The following WDR27 variants were observed in gnomAD, a reference collection of about 807,000 sequenced individuals.
The protein encoded by WDR27 is WD repeat domain 27, also known as WD repeat-containing protein 27.
In WDR27, 100 loss-of-function variants were observed where a neutral mutation model predicts 114.4. The ratio of observed to expected loss-of-function variants is 0.87; its 90% confidence interval spans 0.74 to 1.03. The LOEUF (loss-of-function observed/expected upper bound fraction) is 1.03, where lower values mean the gene tolerates loss of function less well. WDR27 is among the 50% of genes least tolerant of loss of function. The pLI is 0.00. For synonymous variants in WDR27, 449 were observed against 423.1 expected (o/e 1.06, Z -0.75); for missense variants, 1,129 against 1,092.9 (o/e 1.03, Z -0.47).
rs1783769907 is a variant in WDR27 at position 169,688,967 on chromosome 6, G to A, written c.39C>T (p.Gly13=). 1.2e-6 allele frequency: 2 copies of A among 1,612,782 alleles called. No homozygotes were observed. Among genetic ancestry groups the A allele is most frequent in the South Asian group, 1.1e-5 (1 of 90,730 alleles). ...NPQDIFSSNG[G]CLSDIVIEKY... ...TTTCTATAACTATATCACTTAGACAGCCACCATTACTTGAGAAAATGTCTT... is the reference window on the plus strand; with the variant it reads ...TTTCTATAACTATATCACTTAGACAACCACCATTACTTGAGAAAATGTCTT... Residue 13 remains glycine, a synonymous_variant, in exon 2 of 26, where the codon GGC becomes GGT. Coordinates refer to ENST00000448612, the MANE Select transcript of WDR27 (RefSeq NM_182552.5).
chr6:169,450,552 C>A, the WDR27 span, among the ~76,000 whole-genome samples: 7 of 152,188 alleles, frequency 4.6e-5, no homozygotes, highest in Non-Finnish European at 8.8e-5. Flanking sequence ...ATTGAGATAT[C>A]ATTCACATAC....
intron 23 of WDR27, among the ~76,000 whole-genome samples, chr6:169,600,875 G>C (rs1807840293): frequency 6.6e-6 from 1 of 152,342 alleles, no homozygotes; most frequent in East Asian, 1.9e-4. Context: ...ATGGAACCAA[G>C]TTGGAAAATA....
In WDR27 at chr6:169,672,232, A is replaced by C. The variant is rs757797438; in HGVS notation, c.331+23T>G. 3.7e-6 allele frequency: 6 copies of C among 1,609,052 alleles called. No individual in the cohort carries two copies. In the African/African-American group the frequency reaches 6.7e-5, roughly 18 times the overall value. On this transcript the variant is annotated intron_variant, in intron 3 of 25. Transcript: ENST00000448612. ...TTATTCCTTTTGCAGGTTTTTAAAA[A>C]CATGTTTTAGATTTTCATTTACCTT... is the stretch of plus-strand genomic sequence containing the variant.
intron 25 of WDR27, among the ~76,000 whole-genome samples, chr6:169,534,175 T>C (rs562754252): frequency 2.0e-5 from 3 of 152,368 alleles, no homozygotes; most frequent in African/African-American, 4.8e-5. Context: ...GTTTTGCTGA[T>C]GTGATGCATT....
chr6:169,670,997 G>C, intron 3 of WDR27: 1 of 270,554 alleles, frequency 3.7e-6, no homozygotes, highest in Non-Finnish European at 7.0e-6. Context: ...TGCATGTTTC[G>C]ATGCTTCTCA....
chr6:169,440,242 T>C, the WDR27 span, among the ~76,000 whole-genome samples: 8 of 152,232 alleles, frequency 5.3e-5, no homozygotes, highest in African/African-American at 1.9e-4. Flanking sequence ...GCATTGTTTT[T>C]GAGTTTTTAT....
the WDR27 span, among the ~76,000 whole-genome samples, chr6:169,437,794 T>C: frequency 1.3e-5 from 2 of 152,220 alleles, no homozygotes; most frequent in African/African-American, 4.8e-5. Flanking sequence ...TGTTAGTTGT[T>C]GCAATTTTTT....
At chr6:169,634,386 C>T in intron 20 of WDR27, 42 bp downstream of exon 20, 1 of 1,468,648 alleles carries the variant, frequency 6.8e-7, no homozygotes, top group African/African-American at 1.4e-5. Context: ...AGGAACAACA[C>T]TCAGGGCGTA....
intron 22 of WDR27, among the ~76,000 whole-genome samples, chr6:169,608,712 C>T (rs1281234083): frequency 1.3e-5 from 2 of 152,160 alleles, no homozygotes; most frequent in South Asian, 2.1e-4. Context: ...TATCATTCCA[C>T]CCCGGCCTTC....
At chr6:169,668,851 A>G (rs1376690310) in intron 4 of WDR27, 3 of 152,264 alleles carry the variant, frequency 2.0e-5, no homozygotes, top group Non-Finnish European at 4.4e-5. Context: ...TTAACTTACA[A>G]ACAGACATTT....
chr6:169,635,622 A>G (rs1023203712), intron 19 of WDR27, among the ~76,000 whole-genome samples: 1 of 152,248 alleles, frequency 6.6e-6, no homozygotes, highest in Admixed American at 6.5e-5. Context: ...ATGCGATCGG[A>G]TGGAAGCCCA....
intron 6 of WDR27, chr6:169,666,904 G>A: frequency 1.0e-6 from 1 of 985,444 alleles, no homozygotes. Context: ...CTCCAAAACA[G>A]AAAGGCCCAG....
intron 16 of WDR27, among the ~76,000 whole-genome samples, chr6:169,647,429 T>C (rs1317196194): frequency 6.6e-6 from 1 of 152,198 alleles, no homozygotes; most frequent in Non-Finnish European, 1.5e-5. Flanking sequence ...TTAGCTTCTT[T>C]GCCTGCCGAA....
At position 169,554,722 on chromosome 6, in the gene WDR27, G is replaced by A. The variant is rs1562574784; in HGVS notation, c.2645+17697C>T. ...TGGTCAACCACCACCATGTGCAACC[G>A]TAAAAGGGGATTCGCTGTACTTTCC... On this transcript the variant is annotated intron_variant, in intron 25 of 25. Transcript: ENST00000448612. Among the ~76,000 whole-genome samples the A allele has an allele frequency of 4.6e-5, 7 of 152,250 alleles. No individual in the cohort carries two copies. The South Asian group carries it at 1.0e-3, about 23-fold the overall frequency.
chr6:169,627,027 A>T (rs1473077588), intron 21 of WDR27, among the ~76,000 whole-genome samples: 3 of 152,154 alleles, frequency 2.0e-5, no homozygotes, highest in Non-Finnish European at 4.4e-5. Flanking sequence ...CAGAGTTCTG[A>T]TGTGAAAGGC....
chr6:169,670,409 A>G lies in WDR27; in HGVS notation c.456+160T>C, dbSNP rs191011739. On this transcript the variant is annotated intron_variant, in intron 4 of 25. Coordinates refer to ENST00000448612, the MANE Select transcript of WDR27 (RefSeq NM_182552.5). ...TGATACCAGTGGTTTTCCAATTGCAAGATAAAGATATGATTTTATAAAAGT... is the reference window on the plus strand; with the variant it reads ...TGATACCAGTGGTTTTCCAATTGCAGGATAAAGATATGATTTTATAAAAGT... The G allele has an allele frequency of 7.2e-6, 5 of 699,006 alleles. No homozygotes were observed. In the African/African-American group the frequency reaches 8.9e-5, roughly 12 times the overall value. The allele number at this position is 699,006 out of a possible 1,614,324, so 43.3% of individuals were successfully genotyped here.
intron 16 of WDR27, chr6:169,647,520 T>C (rs1821089084): frequency 3.5e-6 from 2 of 573,826 alleles, no homozygotes; most frequent in East Asian, 3.2e-5. Flanking sequence ...GAACAGCAAA[T>C]TCGCTGCTAG....
Position 169,542,800 on chromosome 6 carries a change from T to C in WDR27, c.2645+29619A>G, listed in dbSNP as rs547407424. Among the ~76,000 whole-genome samples, 266 of 152,052 alleles carry C rather than the reference T, an allele frequency of 1.7e-3. 3 individuals carry two copies. The highest frequency in any genetic ancestry group is 5.9e-3 in the African/African-American group (247 of 41,548). ...AATTTATAATATATACACAATCTAA[T>C]AAAAATATTATGCAAGCCATATGTA... is the stretch of plus-strand genomic sequence containing the variant. On this transcript the variant is annotated intron_variant, in intron 25 of 25. Transcript: ENST00000448612.
Position 169,557,782 on chromosome 6 carries a change from A to G in WDR27, c.2645+14637T>C, listed in dbSNP as rs576474144. Among the ~76,000 whole-genome samples, 131 of 152,278 alleles carry G rather than the reference A, an allele frequency of 8.6e-4. 3 individuals carry two copies. Among genetic ancestry groups the G allele is most frequent in the South Asian group, 5.0e-3 (24 of 4,826 alleles). ...CTAACATTTTTTTCAATAAAAATAA[A>G]AACATCAAAGTATTTTTTAAAAACT... is the stretch of plus-strand genomic sequence containing the variant. On this transcript the variant is annotated intron_variant, in intron 25 of 25. Coordinates refer to ENST00000448612, the MANE Select transcript of WDR27 (RefSeq NM_182552.5).
Sources: allele counts gnomAD v4.1 joint callset (sites outside exome capture counted in the v4.1 genomes callset), GRCh38; gene constraint gnomAD v4.1.1; transcripts MANE v1.5; gene names NCBI Gene and HGNC (gene_info 2026-07-23, HGNC 2026-07-21).